The following MICAL2 variants were observed in gnomAD, a reference collection of about 807,000 sequenced individuals.
MICAL2 encodes microtubule associated monooxygenase, calponin and LIM domain containing 2.
A neutral mutation model predicts 127.3 loss-of-function variants in MICAL2; 77 were observed. The observed-to-expected ratio is 0.60, with a 90% CI of 0.50 to 0.73. MICAL2 has a LOEUF of 0.73. MICAL2 is among the 30% of genes least tolerant of loss of function. MICAL2 has a pLI of 0.00. For missense variants in MICAL2, 1,351 were observed against 1,434.4 expected (o/e 0.94, Z 0.94); for synonymous variants, 570 against 551.1 (o/e 1.03, Z -0.48).
At chr11:12,318,353 C>T (rs547275854) in intron 29 of MICAL2, among the ~76,000 whole-genome samples, 1 of 152,306 alleles carries the variant, frequency 6.6e-6, no homozygotes, top group South Asian at 2.1e-4. Context: ...ACAATGCTTC[C>T]TCCCATTATT....
At chr11:12,272,772 A>T (rs531132077), upstream of MICAL2, among the ~76,000 whole-genome samples, 1 of 152,288 alleles carries the variant, frequency 6.6e-6, no homozygotes, top group African/African-American at 2.4e-5. Flanking sequence ...GGTCTGTTCC[A>T]TGTGCCCTCA....
At chr11:12,180,178 T>C (rs1857268199) in intron 3 of MICAL2, among the ~76,000 whole-genome samples, 2 of 152,216 alleles carry the variant, frequency 1.3e-5, no homozygotes, top group Non-Finnish European at 2.9e-5. Context: ...TACTTGGCCT[T>C]TTTCAGACAT....
chr11:12,261,513 G>A, intron 26 of MICAL2: 1 of 985,472 alleles, frequency 1.0e-6, no homozygotes, highest in South Asian at 4.7e-5. Context: ...AACAATCAAG[G>A]GGCCGCCAGA....
intron 3 of MICAL2, among the ~76,000 whole-genome samples, chr11:12,189,837 C>T (rs1565127918): frequency 6.6e-6 from 1 of 152,196 alleles, no homozygotes; most frequent in Non-Finnish European, 1.5e-5. Flanking sequence ...ATTTCCCAGG[C>T]AGCTCCCAGC....
chr11:12,350,003 C>T, intron 33 of MICAL2: 1 of 1,336,546 alleles, frequency 7.5e-7, no homozygotes. Context: ...GTGGCTTACC[C>T]TCCTAGGCCG....
At chr11:12,305,628 A>G (rs973190736) in intron 29 of MICAL2, among the ~76,000 whole-genome samples, 9 of 152,222 alleles carry the variant, frequency 5.9e-5, no homozygotes, top group South Asian at 2.1e-4. Context: ...CCTGTGACCT[A>G]GCTCTCACAA....
At chr11:12,230,714 T>TCCCC (rs35525006) in intron 15 of MICAL2, among the ~76,000 whole-genome samples, 4 of 150,778 alleles carry the variant, frequency 2.7e-5, no homozygotes, top group African/African-American at 9.8e-5. Flanking sequence ...AATTCTTCTT[T>TCCCC]CCCCCCCCAT....
intron 2 of MICAL2, among the ~76,000 whole-genome samples, chr11:12,147,076 G>A (rs1316648439): frequency 6.6e-6 from 1 of 151,940 alleles, no homozygotes; most frequent in Non-Finnish European, 1.5e-5. Context: ...GGGGGGAGCA[G>A]GGAAGGATAG....
intron 29 of MICAL2, among the ~76,000 whole-genome samples, chr11:12,307,482 A>G (rs1864126295): frequency 6.6e-6 from 1 of 152,202 alleles, no homozygotes; most frequent in Admixed American, 6.5e-5. Context: ...TATAGTTAAG[A>G]TATCTTTGCT....
At chr11:12,262,863 T>C (rs2134728987) in intron 27 of MICAL2, 2 of 264,114 alleles carry the variant, frequency 7.6e-6, no homozygotes, top group Non-Finnish European at 1.5e-5. Context: ...GGGTCGACCT[T>C]GATCATGAAA....
intron 2 of MICAL2, chr11:12,153,464 G>C (rs1320048786): frequency 6.7e-6 from 1 of 150,358 alleles, no homozygotes; most frequent in Non-Finnish European, 1.5e-5. Flanking sequence ...CTGAGACGGA[G>C]TCTTGCTCTG....
In MICAL2 at chr11:12,248,264, G is replaced by A. The variant is rs193292662; in HGVS notation, c.2785-920G>A. ...GGGAGTCTTGAGGGCTCTCACGGGG[G>A]GCTCAGATCCTTGGCAGAGTCTGTC... On this transcript the variant is annotated intron_variant, in intron 21 of 27. Coordinates refer to ENST00000683283, the MANE Select transcript of MICAL2 (RefSeq NM_001282663.2). Among the ~76,000 whole-genome samples, 209 of 152,242 alleles carry A rather than the reference G, an allele frequency of 1.4e-3. 2 individuals are homozygous for A. The highest frequency in any genetic ancestry group is 0.012 in the South Asian group (59 of 4,824).
At chr11:12,236,141 C>A (rs1447141341) in intron 15 of MICAL2, 36 bp from the exon 16 acceptor site, 5 of 1,588,420 alleles carry the variant, frequency 3.1e-6, no homozygotes, top group African/African-American at 1.3e-5. Flanking sequence ...CCCTTGGTGG[C>A]CCCCAGAGCT....
intron 29 of MICAL2, among the ~76,000 whole-genome samples, chr11:12,299,012 A>G (rs1001573690): frequency 1.3e-5 from 2 of 152,246 alleles, no homozygotes; most frequent in Non-Finnish European, 2.9e-5. Context: ...GCTAATTACA[A>G]TAACTTAGGG....
intron 12 of MICAL2, among the ~76,000 whole-genome samples, chr11:12,223,866 G>C (rs1284792745): frequency 6.6e-6 from 1 of 152,112 alleles, no homozygotes; most frequent in Non-Finnish European, 1.5e-5. Context: ...CCCTTTTCCT[G>C]ATCATCCTGA....
chr11:12,140,539 C>A (rs1316096632), intron 2 of MICAL2, among the ~76,000 whole-genome samples: 1 of 150,372 alleles, frequency 6.7e-6, no homozygotes, highest in Admixed American at 6.6e-5. Flanking sequence ...CATAAGTGGA[C>A]CCTCTTTGGC....
At chr11:12,273,497 C>G (rs1231132251), upstream of MICAL2, among the ~76,000 whole-genome samples, 1 of 151,510 alleles carries the variant, frequency 6.6e-6, no homozygotes, top group Non-Finnish European at 1.5e-5. Flanking sequence ...CCACACGCAC[C>G]AGGGGCTACA....
At chr11:12,128,067 G>A (rs551954130) in intron 1 of MICAL2, among the ~76,000 whole-genome samples, 2 of 152,316 alleles carry the variant, frequency 1.3e-5, no homozygotes, top group Non-Finnish European at 2.9e-5. Flanking sequence ...GTATGTGTGT[G>A]TAAAATTAAT....
downstream of MICAL2, chr11:12,359,238 C>G (rs1025333302): frequency 6.6e-6 from 1 of 151,960 alleles, no homozygotes; most frequent in African/African-American, 2.4e-5. Context: ...CTTTTCGTCC[C>G]CGTGCTATGC....
Sources: gnomAD v4.1 joint callset for allele counts (sites outside exome capture counted in the v4.1 genomes callset) on GRCh38, gnomAD v4.1.1 for gene constraint, MANE v1.5 for transcripts, NCBI Gene and HGNC (gene_info 2026-07-23, HGNC 2026-07-21) for gene names.